SLC71A2: variants seen among roughly 807,000 people sequenced by gnomAD.
SLC71A2 encodes the protein hippocampus abundant transcript-like 1.
the SLC71A2 span, among the ~76,000 whole-genome samples, chr9:94,425,174 C>T: frequency 6.6e-6 from 1 of 152,040 alleles, no homozygotes; most frequent in African/African-American, 2.4e-5. Flanking sequence ...CATGGTGACG[C>T]ACTCCTGTAA....
chr9:94,418,627 G>T, the SLC71A2 span, among the ~76,000 whole-genome samples: 1 of 151,988 alleles, frequency 6.6e-6, no homozygotes, highest in Non-Finnish European at 1.5e-5. Context: ...GTAGAGACAG[G>T]GTTTCACCAT....
chr9:94,424,119 CATAA>C, the SLC71A2 span, among the ~76,000 whole-genome samples: 1 of 152,142 alleles, frequency 6.6e-6, no homozygotes, highest in South Asian at 2.1e-4. Context: ...TCACCTTTGT[CATAA>C]ATGAGACAAC....
At chr9:94,459,155 C>G in the SLC71A2 span, 1 of 1,611,384 alleles carries the variant, frequency 6.2e-7, no homozygotes, top group Non-Finnish European at 8.5e-7. Flanking sequence ...TTTCCACGTT[C>G]AACAGGGAGC....
At chr9:94,428,133 A>G in the SLC71A2 span, among the ~76,000 whole-genome samples, 1 of 152,072 alleles carries the variant, frequency 6.6e-6, no homozygotes, top group Non-Finnish European at 1.5e-5. Flanking sequence ...AAAAAAAAAA[A>G]AAGTTGACAT....
chr9:94,447,018 A>G, the SLC71A2 span: 2 of 734,178 alleles, frequency 2.7e-6, no homozygotes, highest in Non-Finnish European at 4.7e-6. Flanking sequence ...TGAGGAAACC[A>G]CTGCAGAGGA....
the SLC71A2 span, among the ~76,000 whole-genome samples, chr9:94,422,817 T>C: frequency 1.3e-5 from 2 of 152,250 alleles, no homozygotes; most frequent in Non-Finnish European, 2.9e-5. Flanking sequence ...CTTTTTCTTA[T>C]TTGTAGGAGT....
the SLC71A2 span, among the ~76,000 whole-genome samples, chr9:94,450,493 C>CTTTTTTTT: frequency 1.3e-3 from 131 of 102,002 alleles, 13 homozygotes; most frequent in African/African-American, 5.2e-3. Context: ...AATAATGTAA[C>CTTTTTTTT]TTTTTTTTTT....
chr9:94,387,119 A>C, the SLC71A2 span, among the ~76,000 whole-genome samples: 2 of 151,956 alleles, frequency 1.3e-5, no homozygotes, highest in African/African-American at 2.4e-5. Flanking sequence ...ATTTTTGTGG[A>C]GAACACTCTC....
At chr9:94,419,428 G>C in the SLC71A2 span, among the ~76,000 whole-genome samples, 64 of 151,838 alleles carry the variant, frequency 4.2e-4, no homozygotes, top group African/African-American at 1.4e-3. Flanking sequence ...CGAGTAGCTG[G>C]GATTATAGGT....
the SLC71A2 span, chr9:94,429,100 C>G: frequency 6.4e-7 from 1 of 1,550,844 alleles, no homozygotes; most frequent in South Asian, 1.2e-5. Flanking sequence ...TTGCAGGGCT[C>G]ATTTATGTAG....
the SLC71A2 span, among the ~76,000 whole-genome samples, chr9:94,380,291 TCA>T: frequency 6.6e-6 from 1 of 151,210 alleles, no homozygotes; most frequent in Non-Finnish European, 1.5e-5. Flanking sequence ...AAGAAATTTC[TCA>T]GTTTCTTACA....
At chr9:94,460,379 C>T in the SLC71A2 span, 2 of 152,576 alleles carry the variant, frequency 1.3e-5, no homozygotes, top group Non-Finnish European at 2.9e-5. Context: ...CACACTCCTG[C>T]CTTAACTGCT....
the SLC71A2 span, among the ~76,000 whole-genome samples, chr9:94,423,906 A>G: frequency 6.6e-6 from 1 of 151,686 alleles, no homozygotes; most frequent in African/African-American, 2.4e-5. Flanking sequence ...ATTTTTGCTT[A>G]TGGTTAGTGT....
At chr9:94,381,415 C>T in the SLC71A2 span, among the ~76,000 whole-genome samples, 2 of 148,772 alleles carry the variant, frequency 1.3e-5, no homozygotes, top group Non-Finnish European at 3.0e-5. Context: ...TTAAAAAGTT[C>T]AGCATAAATT....
chr9:94,424,496 A>C, the SLC71A2 span, among the ~76,000 whole-genome samples: 76,804 of 151,300 alleles, frequency 0.51, 19,652 homozygotes, highest in Admixed American at 0.61. Flanking sequence ...CAGTTTCCCA[A>C]AGTGCTGGGA....
the SLC71A2 span, among the ~76,000 whole-genome samples, chr9:94,438,090 G>A: frequency 3.4e-4 from 51 of 152,010 alleles, no homozygotes; most frequent in African/African-American, 9.4e-4. Context: ...CACCACGCCC[G>A]GCTAGTTTTT....
At chr9:94,453,036 A>G in the SLC71A2 span, among the ~76,000 whole-genome samples, 1 of 152,082 alleles carries the variant, frequency 6.6e-6, no homozygotes, top group African/African-American at 2.4e-5. Flanking sequence ...GCATCAAAAC[A>G]AAGGCCGTTT....
the SLC71A2 span, among the ~76,000 whole-genome samples, chr9:94,424,269 C>CT: frequency 1.3e-4 from 19 of 151,780 alleles, no homozygotes; most frequent in Non-Finnish European, 2.4e-4. Context: ...GAGTCTCACT[C>CT]TATCACCCAG....
chr9:94,401,257 G>A, the SLC71A2 span, among the ~76,000 whole-genome samples: 292 of 152,134 alleles, frequency 1.9e-3, 1 homozygote, highest in African/African-American at 6.7e-3. Flanking sequence ...TGCAACCTCC[G>A]CCTTCCGATT....
Sources: allele counts gnomAD v4.1 joint callset (sites outside exome capture counted in the v4.1 genomes callset), GRCh38; gene constraint gnomAD v4.1.1; transcripts MANE v1.5; gene names NCBI Gene and HGNC (gene_info 2026-07-23, HGNC 2026-07-21).